PAX5: variants seen among roughly 807,000 people sequenced by gnomAD.
PAX5 encodes paired box 5.
PAX5 carries 9 observed loss-of-function variants against 43.7 expected under a neutral mutation model. The observed-to-expected ratio is 0.21, with a 90% CI of 0.12 to 0.36. The LOEUF (loss-of-function observed/expected upper bound fraction) is 0.36, where lower values mean the gene tolerates loss of function less well. PAX5 is among the 10% of genes least tolerant of loss of function. The pLI, the probability that PAX5 is intolerant of heterozygous loss-of-function variation, is 1.00. For synonymous variants in PAX5, 228 were observed against 214.3 expected (o/e 1.06, Z -0.56); for missense variants, 383 against 532.7 (o/e 0.72, Z 2.77).
At chr9:36,975,293 C>T (rs1835317925) in intron 5 of PAX5, among the ~76,000 whole-genome samples, 1 of 152,156 alleles carries the variant, frequency 6.6e-6, no homozygotes, top group Admixed American at 6.5e-5. Flanking sequence ...TGGTACAGAA[C>T]AGTGGGGAAG....
At chr9:37,011,407 C>A (rs368138295) in intron 3 of PAX5, among the ~76,000 whole-genome samples, 1 of 152,168 alleles carries the variant, frequency 6.6e-6, no homozygotes, top group East Asian at 1.9e-4. Context: ...ATGACCCAAC[C>A]AGTTGGTACT....
At chr9:36,926,200 A>G (rs1830626625) in intron 6 of PAX5, among the ~76,000 whole-genome samples, 1 of 152,154 alleles carries the variant, frequency 6.6e-6, no homozygotes, top group African/African-American at 2.4e-5. Flanking sequence ...CTGACTCCAA[A>G]ACCTTGACAA....
chr9:36,860,294 A>T (rs1056161966), intron 8 of PAX5, among the ~76,000 whole-genome samples: 12 of 151,364 alleles, frequency 7.9e-5, no homozygotes, highest in Admixed American at 1.3e-4. Flanking sequence ...CCAAGATTGC[A>T]CCACTGCACT....
At chr9:36,962,469 G>C (rs78777567) in intron 6 of PAX5, among the ~76,000 whole-genome samples, 65 of 152,352 alleles carry the variant, frequency 4.3e-4, no homozygotes, top group Admixed American at 2.1e-3. Context: ...TGCCCAGCCT[G>C]TTTGGCAGGC....
chr9:36,928,313 G>T (rs1369708637), intron 6 of PAX5, among the ~76,000 whole-genome samples: 1 of 152,182 alleles, frequency 6.6e-6, no homozygotes, highest in Non-Finnish European at 1.5e-5. Context: ...CTCACTCCGT[G>T]ACTTAGAGAA....
At chr9:36,908,158 C>A (rs985589852) in intron 7 of PAX5, among the ~76,000 whole-genome samples, 1 of 150,440 alleles carries the variant, frequency 6.6e-6, no homozygotes, top group Non-Finnish European at 1.5e-5. Flanking sequence ...ATGATCACAC[C>A]GCTGCACTCC....
intron 7 of PAX5, among the ~76,000 whole-genome samples, chr9:36,894,880 G>A (rs1295722870): frequency 1.3e-5 from 2 of 152,244 alleles, no homozygotes; most frequent in African/African-American, 2.4e-5. Flanking sequence ...ACACAGCTAA[G>A]AGCATGGGCT....
Position 36,837,924 on chromosome 9 carries a change from A to T in PAX5, c.*2636T>A, listed in dbSNP as rs1262171331. On this transcript the variant is annotated 3_prime_UTR_variant, in exon 10 of 10. Transcript: ENST00000358127. ...GCTGACCTCCTCCCAACAGCCTGGA[A>T]CCACAAGGAGGGCAGGATCCAAAGA... is the stretch of plus-strand genomic sequence containing the variant. 8.6e-6 allele frequency: 2 copies of T among 233,272 alleles called. No homozygotes were observed. Among genetic ancestry groups the T allele is most frequent in the Non-Finnish European group, 1.7e-5 (2 of 118,108 alleles). The allele number at this position is 233,272 out of a possible 1,614,324, so 14.5% of individuals were successfully genotyped here.
intron 7 of PAX5, among the ~76,000 whole-genome samples, chr9:36,915,850 T>G (rs1313859654): frequency 6.6e-6 from 1 of 152,126 alleles, no homozygotes; most frequent in African/African-American, 2.4e-5. Context: ...GGTGAGAGAA[T>G]CACTTGAGCC....
rs1821559700 is a variant in PAX5 at position 36,835,257 on chromosome 9, A to T, written c.*5303T>A. On this transcript the variant is annotated 3_prime_UTR_variant, in exon 10 of 10. Transcript: ENST00000358127. ...GAAACTCTAGAATGGCAGTGACATG[A>T]TTCTGAGGTTCCCTTCAATCCTGGG... 8.6e-6 allele frequency: 2 copies of T among 233,146 alleles called. No homozygotes were observed. Among genetic ancestry groups the T allele is most frequent in the Non-Finnish European group, 1.7e-5 (2 of 117,970 alleles). The allele number at this position is 233,146 out of a possible 1,614,324, so 14.4% of individuals were successfully genotyped here. A position where few individuals can be genotyped will look rare whatever the true frequency, so the allele number is the denominator to read the frequency against.
At position 36,883,408 on chromosome 9, in the gene PAX5, G is replaced by C. The variant is rs71531239; in HGVS notation, c.911-1303C>G. Among the ~76,000 whole-genome samples, 343 of 152,312 alleles carry C rather than the reference G, an allele frequency of 2.3e-3. 1 individual carries two copies. Among genetic ancestry groups the C allele is most frequent in the Non-Finnish European group, 2.5e-3 (172 of 68,030 alleles). On this transcript the variant is annotated intron_variant, in intron 7 of 9. Coordinates refer to ENST00000358127, the MANE Select transcript of PAX5 (RefSeq NM_016734.3). The stretch of plus-strand genomic sequence containing the variant: ...ACAGAAAAGAATGAATTAGGGGCAG[G>C]CTGTGGTTCACGCCTGTAATCTCAG...
intron 7 of PAX5, among the ~76,000 whole-genome samples, chr9:36,888,579 C>T (rs766511944): frequency 1.1e-4 from 17 of 152,082 alleles, no homozygotes; most frequent in Non-Finnish European, 1.9e-4. Context: ...GCAAATCTAC[C>T]GACAAAAGGT....
chr9:37,000,340 A>G (rs1252888533), intron 5 of PAX5, among the ~76,000 whole-genome samples: 1 of 152,150 alleles, frequency 6.6e-6, no homozygotes, highest in Non-Finnish European at 1.5e-5. Flanking sequence ...TTCCACTCCT[A>G]TAAGCTTCCA....
chr9:36,927,712 C>CTT (rs113477748), intron 6 of PAX5, among the ~76,000 whole-genome samples: 35,115 of 141,968 alleles, frequency 0.25, 4,821 homozygotes, highest in Non-Finnish European at 0.33. Context: ...TTTTCTTTTT[C>CTT]TTTTTTTTTT....
chr9:37,025,429 G>A, intron 1 of PAX5, among the ~76,000 whole-genome samples: 1 of 151,516 alleles, frequency 6.6e-6, no homozygotes, highest in East Asian at 1.9e-4. Flanking sequence ...GGATGGGGGG[G>A]AGCGGGGTGG....
At chr9:36,898,609 C>A (rs375243708) in intron 7 of PAX5, among the ~76,000 whole-genome samples, 2 of 152,198 alleles carry the variant, frequency 1.3e-5, no homozygotes, top group East Asian at 3.8e-4. Context: ...TGGAAATTTT[C>A]GGCTCCATTT....
At chr9:36,973,981 C>G (rs781116510) in intron 5 of PAX5, among the ~76,000 whole-genome samples, 1 of 152,116 alleles carries the variant, frequency 6.6e-6, no homozygotes, top group Non-Finnish European at 1.5e-5. Context: ...GCCTGGGCAA[C>G]AGAGTAAGAC....
chr9:36,949,905 C>T (rs768374993), intron 6 of PAX5, among the ~76,000 whole-genome samples: 1 of 150,172 alleles, frequency 6.7e-6, no homozygotes, highest in South Asian at 2.1e-4. Flanking sequence ...GCAGATTTCC[C>T]GTTCCTCGGG....
In PAX5 at chr9:36,966,685, G is replaced by T. The variant is rs1220530661; in HGVS notation, c.644C>A (p.Pro215Gln). ...CTGCTTCCGGAGGAAGTCTCTGCCC[G>T]GAAGCGAGTGGCCGTTCGGCACCGG... ...ESPVPNGHSL[P>Q]GRDFLRKQMR... The change falls in exon 6 of 10, where the codon CCG becomes CAG. Residue 215 changes from proline (P) to glutamine (Q), a missense_variant. Pro to Gln is a moderately conservative substitution (Grantham distance 76, BLOSUM62 -1). Transcript: ENST00000358127. The T allele has an allele frequency of 1.9e-6, 3 of 1,614,202 alleles. No individual in the cohort carries two copies. Among genetic ancestry groups the T allele is most frequent in the Non-Finnish European group, 2.5e-6 (3 of 1,180,036 alleles).
Sources: allele counts gnomAD v4.1 joint callset (sites outside exome capture counted in the v4.1 genomes callset), GRCh38; gene constraint gnomAD v4.1.1; transcripts MANE v1.5; gene names NCBI Gene and HGNC (gene_info 2026-07-23, HGNC 2026-07-21).